MAPRE2: variants seen among roughly 807,000 people sequenced by gnomAD.
MAPRE2 encodes the protein microtubule-associated protein RP/EB family member 2.
Under a neutral mutation model 43.2 loss-of-function variants are expected in MAPRE2, and 13 were observed. That is an observed-to-expected ratio of 0.30 (90% CI 0.20 to 0.48). The LOEUF (loss-of-function observed/expected upper bound fraction) is 0.48, where lower values mean the gene tolerates loss of function less well. Among genes scored for constraint, MAPRE2 ranks in the 20% least tolerant of loss-of-function variants. The pLI is 0.99. For missense variants in MAPRE2, 161 were observed against 400.2 expected (o/e 0.40, Z 5.10); for synonymous variants, 135 against 148.8 (o/e 0.91, Z 0.68).
intron 5 of MAPRE2, among the ~76,000 whole-genome samples, chr18:35,130,502 A>C (rs1457243316): frequency 6.6e-6 from 1 of 152,160 alleles, no homozygotes; most frequent in African/African-American, 2.4e-5. Context: ...GCATGGGCTC[A>C]GTGTGTGTTT....
At chr18:35,134,845 G>A (rs1376837748) in intron 6 of MAPRE2, among the ~76,000 whole-genome samples, 1 of 152,114 alleles carries the variant, frequency 6.6e-6, no homozygotes, top group Non-Finnish European at 1.5e-5. Context: ...TAGCCAGTTT[G>A]TAACTTTTTT....
At chr18:35,129,037 G>A (rs1910030500) in intron 5 of MAPRE2, among the ~76,000 whole-genome samples, 1 of 151,948 alleles carries the variant, frequency 6.6e-6, no homozygotes, top group Non-Finnish European at 1.5e-5. Flanking sequence ...AGAACCGAGT[G>A]AGAAGAGAGA....
intron 2 of MAPRE2, among the ~76,000 whole-genome samples, chr18:35,082,901 T>C (rs146090159): frequency 4.5e-4 from 69 of 152,310 alleles, no homozygotes; most frequent in African/African-American, 1.5e-3. Flanking sequence ...TTAGCACTTA[T>C]AGTTGTTTTG....
At chr18:35,138,959 C>T (rs1910506583) in intron 6 of MAPRE2, among the ~76,000 whole-genome samples, 1 of 152,132 alleles carries the variant, frequency 6.6e-6, no homozygotes, top group South Asian at 2.1e-4. Flanking sequence ...CCTCTCAACA[C>T]GACATGGATT....
At chr18:35,126,771 G>A (rs1414728242) in intron 4 of MAPRE2, among the ~76,000 whole-genome samples, 177 bp from the exon 5 acceptor site, 4 of 151,862 alleles carry the variant, frequency 2.6e-5, no homozygotes, top group East Asian at 3.8e-4. Flanking sequence ...CAAAACAACC[G>A]TACTTTAACT....
At position 35,095,379 on chromosome 18, in the gene MAPRE2, C is replaced by G. The variant is rs868738262; in HGVS notation, c.251-2067C>G. On this transcript the variant is annotated intron_variant, in intron 2 of 6. Coordinates refer to ENST00000300249, the MANE Select transcript of MAPRE2 (RefSeq NM_014268.4). ...TTAAGAAAATACACACACACACACA[C>G]ACACACACACACACACACACACGCA... Among the ~76,000 whole-genome samples, 35 of 141,912 alleles carry G rather than the reference C, an allele frequency of 2.5e-4. No individual in the cohort carries two copies. The South Asian group carries it at 4.9e-3, about 20-fold the overall frequency. The allele number at this position is 141,912 out of a possible 152,430, so 93.1% of individuals were successfully genotyped here. A position where few individuals can be genotyped will look rare whatever the true frequency, so the allele number is the denominator to read the frequency against.
At chr18:35,002,759 T>C (rs574053610) in intron 1 of MAPRE2, among the ~76,000 whole-genome samples, 4 of 152,304 alleles carry the variant, frequency 2.6e-5, no homozygotes, top group South Asian at 2.1e-4. Context: ...TCCGACTAAG[T>C]TGGTTTATTT....
intron 4 of MAPRE2, among the ~76,000 whole-genome samples, chr18:35,118,035 A>T (rs1909489646): frequency 1.3e-5 from 2 of 152,144 alleles, no homozygotes; most frequent in Admixed American, 1.3e-4. Context: ...TAAGCACATC[A>T]TCTCTAGCAG....
intron 1 of MAPRE2, among the ~76,000 whole-genome samples, chr18:34,987,667 G>C (rs1188834700): frequency 6.6e-6 from 1 of 152,054 alleles, no homozygotes; most frequent in Non-Finnish European, 1.5e-5. Context: ...TTTTGAGACA[G>C]GGTCTCTCTC....
In MAPRE2 at chr18:35,027,722, A is replaced by T. The variant is rs2097045984; in HGVS notation, c.-8+22169A>T. Among the ~76,000 whole-genome samples the T allele has an allele frequency of 2.0e-5, 3 of 152,194 alleles. No homozygotes were observed. The South Asian group carries it at 6.2e-4, about 31-fold the overall frequency. On this transcript the variant is annotated intron_variant, in intron 2 of 7. Coordinates refer to the MAPRE2 transcript ENST00000413393. ...GTTAATGCATAACAGCCTACCACAA[A>T]ACTTATTAACTTAAAATAACCATTT...
At chr18:35,083,842 A>G (rs1336866038) in intron 2 of MAPRE2, among the ~76,000 whole-genome samples, 1 of 152,190 alleles carries the variant, frequency 6.6e-6, no homozygotes, top group Non-Finnish European at 1.5e-5. Context: ...TTTTAATAAA[A>G]ATGTTGATAC....
At chr18:35,040,689 G>A (rs948179228), upstream of MAPRE2, among the ~76,000 whole-genome samples, 1 of 152,162 alleles carries the variant, frequency 6.6e-6, no homozygotes, top group Admixed American at 6.5e-5. Flanking sequence ...TGTATCAGGA[G>A]GCAGCATAAA....
At chr18:35,062,280 A>C (rs1007124927) in intron 1 of MAPRE2, among the ~76,000 whole-genome samples, 5 of 152,216 alleles carry the variant, frequency 3.3e-5, no homozygotes, top group African/African-American at 1.2e-4. Context: ...CTAAGTATTT[A>C]ATCTGTGGGC....
At chr18:35,015,693 AG>A (rs2097037790) in intron 2 of MAPRE2, among the ~76,000 whole-genome samples, 1 of 140,334 alleles carries the variant, frequency 7.1e-6, no homozygotes, top group African/African-American at 2.9e-5. Context: ...TTTGCCTTTA[AG>A]CCCTGGTTGG....
chr18:35,041,716 A>G, intron 1 of MAPRE2, 55 bp downstream of exon 1: 1 of 1,612,998 alleles, frequency 6.2e-7, no homozygotes, highest in South Asian at 1.1e-5. Context: ...GCGCGCGGAA[A>G]TCCAGCCCGT....
intron 2 of MAPRE2, among the ~76,000 whole-genome samples, chr18:35,076,417 T>G (rs1907357730): frequency 6.6e-6 from 1 of 152,162 alleles, no homozygotes; most frequent in Non-Finnish European, 1.5e-5. Flanking sequence ...TTACTCAGAT[T>G]CTTTGGGAGT....
intron 4 of MAPRE2, among the ~76,000 whole-genome samples, chr18:35,122,010 A>C (rs537324936): frequency 6.6e-6 from 1 of 152,340 alleles, no homozygotes; most frequent in African/African-American, 2.4e-5. Flanking sequence ...CAGAAATTTT[A>C]GAGTGTGGTT....
intron 2 of MAPRE2, among the ~76,000 whole-genome samples, chr18:35,096,042 T>A (rs1226469426): frequency 6.6e-6 from 1 of 152,218 alleles, no homozygotes; most frequent in African/African-American, 2.4e-5. Context: ...CAGCATTTCA[T>A]GTTTTAACAA....
chr18:35,009,698 G>A (rs375123519), intron 2 of MAPRE2, among the ~76,000 whole-genome samples: 7 of 152,306 alleles, frequency 4.6e-5, no homozygotes, highest in African/African-American at 1.4e-4. Flanking sequence ...GCCTGGGATC[G>A]GTGAGACCTA....
Sources: gnomAD v4.1 joint callset for allele counts (sites outside exome capture counted in the v4.1 genomes callset) on GRCh38, gnomAD v4.1.1 for gene constraint, MANE v1.5 for transcripts, NCBI Gene and HGNC (gene_info 2026-07-23, HGNC 2026-07-21) for gene names.